The following MICU1 variants were observed in gnomAD, a reference collection of about 807,000 sequenced individuals.
The protein encoded by MICU1 is mitochondrial calcium uptake 1, also known as calcium uptake protein 1, mitochondrial.
MICU1 carries 45 observed loss-of-function variants against 56.8 expected under a neutral mutation model. The ratio of observed to expected loss-of-function variants is 0.79; its 90% CI spans 0.62 to 1.02. MICU1 has a LOEUF of 1.02. Ranked by LOEUF, MICU1 falls within the 50% of genes least tolerant of loss-of-function variation. The probability of loss-of-function intolerance (pLI) is 0.00; values close to 1 mark genes in which losing one functional copy is unlikely to be tolerated. For missense variants in MICU1, 504 were observed against 587.1 expected, an observed-to-expected ratio of 0.86 and a Z score of 1.46; for synonymous variants, 186 against 195.1, an observed-to-expected ratio of 0.95 and a Z score of 0.39.
At chr10:72,444,055 A>G (rs1865025744) in intron 8 of MICU1, among the ~76,000 whole-genome samples, 1 of 152,132 alleles carries the variant, frequency 6.6e-6, no homozygotes, top group Non-Finnish European at 1.5e-5. Flanking sequence ...AAAAATGATG[A>G]GTTCATGTCC....
intron 8 of MICU1, among the ~76,000 whole-genome samples, chr10:72,423,737 C>G (rs1280267862): frequency 1.3e-5 from 2 of 152,142 alleles, no homozygotes; most frequent in Non-Finnish European, 1.5e-5. Context: ...CCAGACTCAG[C>G]AATATCCCGA....
intron 8 of MICU1, among the ~76,000 whole-genome samples, chr10:72,464,393 C>T (rs958740953): frequency 4.6e-5 from 7 of 151,054 alleles, no homozygotes; most frequent in African/African-American, 1.5e-4. Flanking sequence ...TACACACATA[C>T]GTATACACAT....
At chr10:72,562,802 T>G in intron 3 of MICU1, 93 bp downstream of exon 3, 1 of 1,083,022 alleles carries the variant, frequency 9.2e-7, no homozygotes, top group Non-Finnish European at 1.2e-6. Context: ...AAAGTGAAGA[T>G]GAACCATCTG....
At chr10:72,484,429 G>GGACAAAAATT (rs1394755371) in intron 6 of MICU1, among the ~76,000 whole-genome samples, 1 of 151,622 alleles carries the variant, frequency 6.6e-6, no homozygotes, top group African/African-American at 2.4e-5. Context: ...AAAATCCTCA[G>GGACAAAAATT]TCATCCAGGA....
intron 10 of MICU1, among the ~76,000 whole-genome samples, chr10:72,376,203 G>A (rs938535176): frequency 6.6e-6 from 1 of 151,522 alleles, no homozygotes; most frequent in East Asian, 2.0e-4. Flanking sequence ...GCTTGAACCC[G>A]AGAGGCGGAG....
intron 9 of MICU1, among the ~76,000 whole-genome samples, chr10:72,422,041 C>G (rs1039668296): frequency 1.3e-5 from 2 of 152,162 alleles, no homozygotes; most frequent in Admixed American, 6.6e-5. Flanking sequence ...GACCCCACCC[C>G]CTACCCCATT....
chr10:72,477,497 T>C, intron 6 of MICU1: 8 of 1,535,494 alleles, frequency 5.2e-6, no homozygotes, highest in Non-Finnish European at 7.0e-6. Context: ...GTCTACCTTT[T>C]TGTTTCAACA....
At position 72,367,631 on chromosome 10, in the gene MICU1, G is replaced by T. The variant is rs1862190315; in HGVS notation, c.*564C>A. ...TCCCACTGAGCATGCTGCCTTCCTA[G>T]AGCAGGCCTTGGAGCCATCCCAGGG... On this transcript the variant is annotated 3_prime_UTR_variant, in exon 12 of 12. Coordinates refer to ENST00000361114, the MANE Select transcript of MICU1 (RefSeq NM_001195518.2). 1 of 152,936 alleles carries T rather than the reference G, an allele frequency of 6.5e-6. No individual in the cohort carries two copies. The allele number at this position is 152,936 out of a possible 1,614,324, so 9.5% of individuals were successfully genotyped here.
In MICU1 at chr10:72,399,505, A is replaced by C. The variant is rs180830820; in HGVS notation, c.1180+8424T>G. ...AAATAAAAATACAAAAATTAGTCAG[A>C]CATGTTGGCACGTGCCTGTAATCCC... is the stretch of plus-strand genomic sequence containing the variant. On this transcript the variant is annotated intron_variant, in intron 10 of 11. Transcript: ENST00000361114. Among the ~76,000 whole-genome samples the C allele has an allele frequency of 5.0e-3, 759 of 152,202 alleles. 3 individuals carry two copies. The highest frequency in any genetic ancestry group is 9.4e-3 in the Admixed American group (143 of 15,282).
At chr10:72,369,194 C>T (rs1862244835) in intron 11 of MICU1, among the ~76,000 whole-genome samples, 1 of 151,620 alleles carries the variant, frequency 6.6e-6, no homozygotes, top group African/African-American at 2.4e-5. Context: ...AGGAAGATCG[C>T]TTGATTACCA....
intron 1 of MICU1, among the ~76,000 whole-genome samples, chr10:72,573,328 A>AAAAAAAAAAAAAAAAAAAC: frequency 8.7e-6 from 1 of 114,300 alleles, no homozygotes; most frequent in Non-Finnish European, 1.9e-5. Flanking sequence ...AAAAAAAAAA[A>AAAAAAAAAAAAAAAAAAAC]AAAAAAACTA....
At chr10:72,579,938 C>CA (rs111515346) in intron 1 of MICU1, among the ~76,000 whole-genome samples, 6,118 of 138,224 alleles carry the variant, frequency 0.044, 381 homozygotes, top group African/African-American at 0.14. Flanking sequence ...ATTCAAAAAT[C>CA]AAAAAAAAAA....
intron 9 of MICU1, among the ~76,000 whole-genome samples, chr10:72,412,817 C>G (rs1365748235): frequency 6.7e-6 from 1 of 149,682 alleles, no homozygotes; most frequent in Non-Finnish European, 1.5e-5. Context: ...CGCCATTGCA[C>G]TCCAGCCTGG....
chr10:72,411,038 GGAA>G (rs1309641468), intron 9 of MICU1, among the ~76,000 whole-genome samples: 4 of 152,198 alleles, frequency 2.6e-5, no homozygotes, highest in African/African-American at 9.7e-5. Flanking sequence ...GCTTTTAAAA[GGAA>G]GAAGATTCTG....
chr10:72,616,211 T>G (rs767087734), intron 1 of MICU1, among the ~76,000 whole-genome samples: 9 of 152,192 alleles, frequency 5.9e-5, no homozygotes, highest in Non-Finnish European at 8.8e-5. Context: ...CCAGACATTG[T>G]GAATTTTACC....
chr10:72,547,058 A>AT (rs998677413), intron 4 of MICU1, among the ~76,000 whole-genome samples: 7 of 151,656 alleles, frequency 4.6e-5, no homozygotes, highest in African/African-American at 9.7e-5. Context: ...TGTCCAGCTA[A>AT]TTTTTTTTGT....
intron 4 of MICU1, among the ~76,000 whole-genome samples, chr10:72,534,041 G>C (rs1839560929): frequency 6.6e-6 from 1 of 152,020 alleles, no homozygotes; most frequent in Non-Finnish European, 1.5e-5. Context: ...CTATTCAACA[G>C]TAGAGTCCAG....
chr10:72,404,133 G>T (rs1050109048), intron 10 of MICU1, among the ~76,000 whole-genome samples: 2 of 152,020 alleles, frequency 1.3e-5, no homozygotes, highest in Non-Finnish European at 2.9e-5. Context: ...GGGATTACAG[G>T]TGCGTGCCAC....
intron 10 of MICU1, among the ~76,000 whole-genome samples, chr10:72,386,603 C>T (rs990624446): frequency 6.7e-6 from 1 of 150,076 alleles, no homozygotes; most frequent in Non-Finnish European, 1.5e-5. Flanking sequence ...TCTGTCACCC[C>T]GGCTGGAGTG....
Sources: allele counts gnomAD v4.1 joint callset (sites outside exome capture counted in the v4.1 genomes callset), GRCh38; gene constraint gnomAD v4.1.1; transcripts MANE v1.5; gene names NCBI Gene and HGNC (gene_info 2026-07-23, HGNC 2026-07-21).